Variants in TNFSF4 observed in about 807,000 individuals in gnomAD.
The protein encoded by TNFSF4 is tumor necrosis factor ligand superfamily member 4.
In TNFSF4, 4 loss-of-function variants were observed where a neutral mutation model predicts 7.3. That is an observed-to-expected ratio of 0.55 (90% CI 0.27 to 1.25). The LOEUF is 1.25. Ranked by LOEUF, TNFSF4 falls within the 50% of genes most tolerant of loss-of-function variation. The probability of loss-of-function intolerance (pLI) is 0.12; values close to 1 mark genes in which losing one functional copy is unlikely to be tolerated. For missense variants in TNFSF4, 181 were observed against 208.8 expected, an observed-to-expected ratio of 0.87 and a Z score of 0.82; for synonymous variants, 76 against 83.7, an observed-to-expected ratio of 0.91 and a Z score of 0.50.
the TNFSF4 span, among the ~76,000 whole-genome samples, chr1:173,383,290 T>C: frequency 1.3e-5 from 2 of 152,298 alleles, no homozygotes; most frequent in East Asian, 3.9e-4. Context: ...TAAAAGTGCA[T>C]GTGTTCAGAG....
At chr1:173,294,110 C>T in the TNFSF4 span, among the ~76,000 whole-genome samples, 1 of 151,990 alleles carries the variant, frequency 6.6e-6, no homozygotes, top group African/African-American at 2.4e-5. Context: ...CTGGTATATA[C>T]CCAAAGAAAA....
chr1:173,273,373 A>C, the TNFSF4 span, among the ~76,000 whole-genome samples: 1 of 152,276 alleles, frequency 6.6e-6, no homozygotes, highest in African/African-American at 2.4e-5. Context: ...GCCTCAAGCT[A>C]GATCTTGTTC....
intron 1 of TNFSF4, among the ~76,000 whole-genome samples, chr1:173,206,522 C>G (rs1166961196): frequency 6.6e-6 from 1 of 152,168 alleles, no homozygotes; most frequent in Non-Finnish European, 1.5e-5. Context: ...TAGGCACACA[C>G]ACATGCACGC....
chr1:173,334,793 G>A, the TNFSF4 span, among the ~76,000 whole-genome samples: 1 of 152,054 alleles, frequency 6.6e-6, no homozygotes, highest in African/African-American at 2.4e-5. Flanking sequence ...CCTTGAGGCT[G>A]CTGCCTTTCA....
At chr1:173,351,675 G>T in the TNFSF4 span, 1 of 297,918 alleles carries the variant, frequency 3.4e-6, no homozygotes, top group Admixed American at 4.9e-5. Flanking sequence ...GAAGTTTATA[G>T]CACTAAATGC....
At chr1:173,347,018 T>G in the TNFSF4 span, among the ~76,000 whole-genome samples, 5 of 152,356 alleles carry the variant, frequency 3.3e-5, no homozygotes, top group East Asian at 9.6e-4. Context: ...ACCTGATAAT[T>G]GGTGTAGCCA....
the TNFSF4 span, among the ~76,000 whole-genome samples, chr1:173,347,998 A>T: frequency 6.6e-6 from 1 of 152,232 alleles, no homozygotes; most frequent in African/African-American, 2.4e-5. Context: ...CCTAAGGTGT[A>T]ACTTGGGAGT....
chr1:173,296,581 G>A, the TNFSF4 span, among the ~76,000 whole-genome samples: 1 of 152,014 alleles, frequency 6.6e-6, no homozygotes, highest in South Asian at 2.1e-4. Flanking sequence ...AGGAGAGAAG[G>A]CTGCAAAGGG....
chr1:173,236,510 T>C, the TNFSF4 span, among the ~76,000 whole-genome samples: 12 of 152,106 alleles, frequency 7.9e-5, no homozygotes, highest in African/African-American at 2.7e-4. Flanking sequence ...ATGTTTTGCA[T>C]GTATACCCCC....
the TNFSF4 span, among the ~76,000 whole-genome samples, chr1:173,375,965 A>G: frequency 1.3e-5 from 2 of 152,174 alleles, no homozygotes; most frequent in African/African-American, 4.8e-5. Context: ...GGCAGGAACG[A>G]ACTCCAGACA....
At chr1:173,443,803 C>G in the TNFSF4 span, among the ~76,000 whole-genome samples, 1 of 152,212 alleles carries the variant, frequency 6.6e-6, no homozygotes, top group African/African-American at 2.4e-5. Context: ...TAGTTCCCAA[C>G]ACAAGGCACT....
At chr1:173,330,885 C>CTT in the TNFSF4 span, among the ~76,000 whole-genome samples, 7 of 138,414 alleles carry the variant, frequency 5.1e-5, no homozygotes, top group African/African-American at 1.1e-4. Flanking sequence ...CTTTTCTTAT[C>CTT]TTTTTTTTTT....
At chr1:173,322,024 T>C in the TNFSF4 span, among the ~76,000 whole-genome samples, 1 of 152,206 alleles carries the variant, frequency 6.6e-6, no homozygotes, top group Admixed American at 6.5e-5. Context: ...CATATGTTTA[T>C]TGCAGCACTA....
intron 1 of TNFSF4, chr1:173,205,633 G>T: frequency 9.5e-7 from 1 of 1,048,586 alleles, no homozygotes; most frequent in Non-Finnish European, 1.2e-6. Context: ...CCAGACTGGT[G>T]AATGCACTCA....
chr1:173,192,252 C>T (rs1649520017), intron 1 of TNFSF4, among the ~76,000 whole-genome samples: 1 of 152,196 alleles, frequency 6.6e-6, no homozygotes, highest in Non-Finnish European at 1.5e-5. Context: ...TATTTAAAGT[C>T]ACTCATTCAC....
chr1:173,406,575 T>C, the TNFSF4 span, among the ~76,000 whole-genome samples: 5 of 152,104 alleles, frequency 3.3e-5, no homozygotes, highest in East Asian at 9.6e-4. Context: ...TAAAGATAAA[T>C]ATAATTCAGG....
chr1:173,270,346 T>C, the TNFSF4 span, among the ~76,000 whole-genome samples: 1 of 152,126 alleles, frequency 6.6e-6, no homozygotes, highest in Non-Finnish European at 1.5e-5. Flanking sequence ...CTTAAAGTCA[T>C]GAGCTTGGAT....
chr1:173,231,230 C>T, the TNFSF4 span, among the ~76,000 whole-genome samples: 3 of 152,210 alleles, frequency 2.0e-5, no homozygotes, highest in Non-Finnish European at 4.4e-5. Flanking sequence ...AGCAGCATAT[C>T]AAAGAGCTTA....
chr1:173,405,157 G>A, the TNFSF4 span, among the ~76,000 whole-genome samples: 2 of 152,068 alleles, frequency 1.3e-5, no homozygotes, highest in Non-Finnish European at 2.9e-5. Context: ...AACAGCCAAC[G>A]GCAAGTCCCA....
Sources: gnomAD v4.1 joint callset for allele counts (sites outside exome capture counted in the v4.1 genomes callset) on GRCh38, gnomAD v4.1.1 for gene constraint, MANE v1.5 for transcripts, NCBI Gene and HGNC (gene_info 2026-07-23, HGNC 2026-07-21) for gene names.